Variants in BAD observed in about 807,000 individuals in gnomAD.
The protein encoded by BAD is BCL2 associated agonist of cell death.
A neutral mutation model predicts 17.8 loss-of-function variants in BAD; 18 were observed. The ratio of observed to expected loss-of-function variants is 1.01; its 90% CI spans 0.70 to 1.50. The LOEUF (loss-of-function observed/expected upper bound fraction) is 1.50. Among genes scored for constraint, BAD ranks in the 40% most tolerant of loss-of-function variants. The probability of loss-of-function intolerance (pLI) is 0.00; values close to 1 mark genes in which losing one functional copy is unlikely to be tolerated. For missense variants in BAD, 294 were observed against 239.3 expected (o/e 1.23, Z -1.51); for synonymous variants, 112 against 91.5 (o/e 1.22, Z -1.28).
At chr11:64,277,541 G>A (rs541648104) in intron 2 of BAD, among the ~76,000 whole-genome samples, 39 of 152,258 alleles carry the variant, frequency 2.6e-4, no homozygotes, top group African/African-American at 7.7e-4. Context: ...AGGCGCAATC[G>A]ATCTTCCCAC....
In BAD at chr11:64,271,681, G is replaced by C; in HGVS notation, c.310C>G (p.Leu104Val). The C allele has an allele frequency of 6.7e-7, 1 of 1,485,354 alleles. No individual in the cohort carries two copies. The highest frequency in any genetic ancestry group is 8.9e-7 in the Non-Finnish European group (1 of 1,119,096). The allele number at this position is 1,485,354 out of a possible 1,614,324, so 92.0% of individuals were successfully genotyped here. A position where few individuals can be genotyped will look rare whatever the true frequency, so the allele number is the denominator to read the frequency against. The change falls in exon 3 of 4, where the codon CTC becomes GTC. Residue 104 changes from leucine to valine, a missense_variant. Transcript: ENST00000309032. ...RGRSRSAPPN[L>V]WAAQRYGREL... ...CGGCCATAGCGCTGTGCTGCCCAGAGGTTGGGGGGCGCCGAGCGCGAGCGG... is the reference window on the plus strand; with the variant it reads ...CGGCCATAGCGCTGTGCTGCCCAGACGTTGGGGGGCGCCGAGCGCGAGCGG...
intron 2 of BAD, 135 bp downstream of exon 2, chr11:64,284,047 G>T: frequency 3.6e-6 from 4 of 1,098,722 alleles, no homozygotes; most frequent in Non-Finnish European, 5.1e-6. Flanking sequence ...GCTGTTTTAC[G>T]AAAGAGGAAA....
chr11:64,277,492 G>A (rs1380986518), intron 2 of BAD, among the ~76,000 whole-genome samples: 1 of 152,158 alleles, frequency 6.6e-6, no homozygotes, highest in African/African-American at 2.4e-5. Flanking sequence ...GACTGGAGTG[G>A]GGTGGCACGA....
At chr11:64,278,231 C>T (rs1463339364) in intron 2 of BAD, among the ~76,000 whole-genome samples, 1 of 151,854 alleles carries the variant, frequency 6.6e-6, no homozygotes, top group African/African-American at 2.4e-5. Flanking sequence ...AAATTTGAGG[C>T]TTTATAAATA....
At position 64,271,737 on chromosome 11, in the gene BAD, C is replaced by A. The variant is rs1440158188; in HGVS notation, c.254G>T (p.Gly85Val). 6.9e-7 allele frequency: 1 copy of A among 1,447,122 alleles called. No individual in the cohort carries two copies. Among genetic ancestry groups the A allele is most frequent in the Non-Finnish European group, 9.1e-7 (1 of 1,100,136 alleles). The allele number at this position is 1,447,122 out of a possible 1,614,324, so 89.6% of individuals were successfully genotyped here. ...SYPAGTEDDE[G>V]MGEEPSPFRG... ...AAAGGGGCTGGGCTCCTCCCCCATC[C>A]CTTCGTCGTCCTCCGTCCCCGCGGG... Residue 85 changes from glycine (G) to valine (V), a missense_variant, in exon 3 of 4, where the codon GGG becomes GTG. By Grantham distance (109) the Gly-to-Val change is moderately radical (BLOSUM62 -3). Coordinates refer to ENST00000309032, the MANE Select transcript of BAD (RefSeq NM_032989.3).
intron 3 of BAD, chr11:64,270,578 G>C: frequency 1.4e-6 from 1 of 703,944 alleles, no homozygotes; most frequent in Non-Finnish European, 2.6e-6. Context: ...GATGCCTAGG[G>C]CCCTAAATGG....
Position 64,269,891 on chromosome 11 carries a change from G to A in BAD, c.*318C>T, listed in dbSNP as rs543721700. On this transcript the variant is annotated 3_prime_UTR_variant, in exon 4 of 4. Coordinates refer to ENST00000309032, the MANE Select transcript of BAD (RefSeq NM_032989.3). ...TGAGCACGGCCCCCAGGGCATCGCG[G>A]GGGCTCGGGTCCCGGTGACGCAACG... is the stretch of plus-strand genomic sequence containing the variant. The A allele has an allele frequency of 1.7e-5, 12 of 699,348 alleles. No homozygotes were observed. The highest frequency in any genetic ancestry group is 1.0e-4 in the Admixed American group (5 of 49,868). The allele number at this position is 699,348 out of a possible 1,614,324, so 43.3% of individuals were successfully genotyped here.
In BAD at chr11:64,270,215, G is replaced by A. The variant is rs1158255896; in HGVS notation, c.501C>T (p.Ser167=). 1.5e-5 allele frequency: 25 copies of A among 1,613,470 alleles called. No individual in the cohort carries two copies. Among genetic ancestry groups the A allele is most frequent in the Non-Finnish European group, 2.0e-5 (24 of 1,179,670 alleles). The change falls in exon 4 of 4, where the codon TCC becomes TCT. Residue 167 remains serine, a synonymous_variant. Coordinates refer to ENST00000309032, the MANE Select transcript of BAD (RefSeq NM_032989.3). ...TCGGGATGTGGAGCGAAGGTCACTG[G>A]GAGGGGGCGGAGCTTCCCCTGCCCA... ...RNLGRGSSAP[S]Q
Position 64,271,786 on chromosome 11 carries a change from T to G in BAD, c.205A>C (p.Ile69Leu). ...GGGTAGGAGCTGTGGCGACTCCGGA[T>G]CTCCACAGCCCCAGCGCCTGCAGAG... ...SHHGGAGAVEIRSRHSSYPAG... is the reference protein window; with the variant it reads ...SHHGGAGAVELRSRHSSYPAG... The change falls in exon 3 of 4, where the codon ATC becomes CTC. Residue 69 changes from isoleucine (I) to leucine (L), a missense_variant. Coordinates refer to ENST00000309032, the MANE Select transcript of BAD (RefSeq NM_032989.3). 7.1e-7 allele frequency: 1 copy of G among 1,414,076 alleles called. No individual in the cohort carries two copies. The highest frequency in any genetic ancestry group is 9.2e-7 in the Non-Finnish European group (1 of 1,082,572). 87.6% of individuals were successfully genotyped at this position (1,414,076 alleles called of 1,614,324 possible).
chr11:64,276,991 A>G (rs1366406115), intron 2 of BAD: 5 of 726,238 alleles, frequency 6.9e-6, no homozygotes, highest in South Asian at 2.9e-5. Flanking sequence ...GCATCCCTGC[A>G]CTGGGATTTT....
At chr11:64,273,166 C>T (rs1209794147) in intron 2 of BAD, among the ~76,000 whole-genome samples, 1 of 151,642 alleles carries the variant, frequency 6.6e-6, no homozygotes, top group Admixed American at 6.6e-5. Context: ...GTCAGAAGTT[C>T]GAGACCAGCC....
chr11:64,270,759 C>T (rs539366669), intron 3 of BAD: 6 of 454,358 alleles, frequency 1.3e-5, no homozygotes, highest in Admixed American at 7.3e-5. Flanking sequence ...CGCACCACTG[C>T]ACTCCAGCCT....
At chr11:64,276,043 C>T (rs78788055) in intron 2 of BAD, among the ~76,000 whole-genome samples, 2,852 of 152,214 alleles carry the variant, frequency 0.019, 42 homozygotes, top group Non-Finnish European at 0.03. Flanking sequence ...GGGCTGTGTG[C>T]TTAGCTGTCA....
At chr11:64,282,958 G>C (rs1008072805) in intron 2 of BAD, among the ~76,000 whole-genome samples, 1 of 151,652 alleles carries the variant, frequency 6.6e-6, no homozygotes, top group Non-Finnish European at 1.5e-5. Context: ...TCCCAGTTAC[G>C]TGGGAGGATC....
In BAD at chr11:64,270,247, G is replaced by T; in HGVS notation, c.469C>A (p.Arg157=). Residue 157 remains arginine (R), a synonymous_variant, in exon 4 of 4, where the codon CGG becomes AGG. Coordinates refer to ENST00000309032, the MANE Select transcript of BAD (RefSeq NM_032989.3). ...WTRVFQSWWD[R]NLGRGSSAPS... ...GCGGAGCTTCCCCTGCCCAAGTTCC[G>T]ATCCCACCAGGACTGGAAGACTCGC... 6.2e-7 allele frequency: 1 copy of T among 1,611,680 alleles called. No individual in the cohort carries two copies. Among genetic ancestry groups the T allele is most frequent in the South Asian group, 1.1e-5 (1 of 90,812 alleles).
At chr11:64,276,573 T>C (rs2135116175) in intron 2 of BAD, among the ~76,000 whole-genome samples, 1 of 152,316 alleles carries the variant, frequency 6.6e-6, no homozygotes, top group East Asian at 1.9e-4. Flanking sequence ...GCAATCCAAG[T>C]GCCTCGGCCC....
At chr11:64,270,790 G>A (rs2032451147) in intron 3 of BAD, 2 of 410,086 alleles carry the variant, frequency 4.9e-6, no homozygotes, top group Non-Finnish European at 4.9e-6. Flanking sequence ...GCGCACAGGT[G>A]CCAGCAAGGA....
chr11:64,274,168 G>A (rs1274318008), intron 2 of BAD, among the ~76,000 whole-genome samples: 5 of 152,044 alleles, frequency 3.3e-5, no homozygotes, highest in Non-Finnish European at 5.9e-5. Flanking sequence ...CGAGGCAGGC[G>A]CATCACGAGG....
Position 64,271,714 on chromosome 11 carries a change from A to G in BAD, c.277T>C (p.Phe93Leu), listed in dbSNP as rs902202934. ...GGCGCCGAGCGCGAGCGGCCCCGAA[A>G]GGGGCTGGGCTCCTCCCCCATCCCT... Reference protein sequence around the residue: ...DEGMGEEPSPFRGRSRSAPPN... With the variant: ...DEGMGEEPSPLRGRSRSAPPN... The change falls in exon 3 of 4, where the codon TTT becomes CTT. Residue 93 changes from phenylalanine to leucine, a missense_variant. By Grantham distance (22) the Phe-to-Leu change is conservative. Coordinates refer to ENST00000309032, the MANE Select transcript of BAD (RefSeq NM_032989.3). 17 of 1,472,494 alleles carry G rather than the reference A, an allele frequency of 1.2e-5. No homozygotes were observed. Among genetic ancestry groups the G allele is most frequent in the Non-Finnish European group, 1.4e-5 (16 of 1,113,848 alleles). The allele number at this position is 1,472,494 out of a possible 1,614,324, so 91.2% of individuals were successfully genotyped here. A position where few individuals can be genotyped will look rare whatever the true frequency, so the allele number is the denominator to read the frequency against.
Sources: gnomAD v4.1 joint callset for allele counts (sites outside exome capture counted in the v4.1 genomes callset) on GRCh38, gnomAD v4.1.1 for gene constraint, MANE v1.5 for transcripts, NCBI Gene and HGNC (gene_info 2026-07-23, HGNC 2026-07-21) for gene names.